Variants in CEP85L observed in about 807,000 individuals in gnomAD.
The protein encoded by CEP85L is centrosomal protein of 85 kDa-like.
Under a neutral mutation model 100.3 loss-of-function variants are expected in CEP85L, and 60 were observed. The observed-to-expected ratio is 0.60, with a 90% confidence interval of 0.49 to 0.74. CEP85L has a LOEUF of 0.74. Ranked by LOEUF, CEP85L falls within the 30% of genes least tolerant of loss-of-function variation. The probability of loss-of-function intolerance (pLI) is 0.00; values close to 1 mark genes in which losing one functional copy is unlikely to be tolerated. For missense variants in CEP85L, 973 were observed against 936.2 expected, an observed-to-expected ratio of 1.04 and a Z score of -0.51; for synonymous variants, 319 against 322.7, an observed-to-expected ratio of 0.99 and a Z score of 0.12.
intron 5 of CEP85L, among the ~76,000 whole-genome samples, chr6:118,507,458 C>T (rs572597216): frequency 2.6e-5 from 4 of 152,262 alleles, no homozygotes; most frequent in African/African-American, 9.6e-5. Flanking sequence ...ATCAGAGTAA[C>T]CAAACTAGGA....
At chr6:118,608,420 G>C (rs566715805) in intron 2 of CEP85L, among the ~76,000 whole-genome samples, 1 of 151,982 alleles carries the variant, frequency 6.6e-6, no homozygotes, top group African/African-American at 2.4e-5. Context: ...GCATGAACCC[G>C]GGAGGCAGAG....
intron 1 of CEP85L, among the ~76,000 whole-genome samples, chr6:118,682,965 G>A (rs534217556): frequency 3.2e-4 from 49 of 152,190 alleles, no homozygotes; most frequent in Admixed American, 1.4e-3. Flanking sequence ...GAGGACAAAG[G>A]CACCAGAACA....
At chr6:118,584,494 G>A (rs1445480341) in intron 2 of CEP85L, among the ~76,000 whole-genome samples, 1 of 152,172 alleles carries the variant, frequency 6.6e-6, no homozygotes, top group Non-Finnish European at 1.5e-5. Context: ...TTTAACCTGG[G>A]AATCTGAAGC....
At chr6:118,584,296 G>A (rs1780737004) in intron 2 of CEP85L, among the ~76,000 whole-genome samples, 1 of 152,176 alleles carries the variant, frequency 6.6e-6, no homozygotes. Context: ...GCTGTCTGAG[G>A]GGACCAGAGC....
chr6:118,622,152 C>T (rs150059755), intron 2 of CEP85L, among the ~76,000 whole-genome samples: 174 of 152,240 alleles, frequency 1.1e-3, no homozygotes, highest in Non-Finnish European at 2.1e-3. Flanking sequence ...GTTGCAGCAG[C>T]GGCCATCTTA....
At chr6:118,635,166 T>G (rs575362944) in intron 1 of CEP85L, among the ~76,000 whole-genome samples, 1 of 152,282 alleles carries the variant, frequency 6.6e-6, no homozygotes, top group East Asian at 1.9e-4. Context: ...CAATTACAAA[T>G]AAATATGAGT....
intron 10 of CEP85L, among the ~76,000 whole-genome samples, chr6:118,475,122 T>C (rs967286616): frequency 3.3e-5 from 5 of 152,158 alleles, no homozygotes; most frequent in African/African-American, 1.2e-4. Context: ...TACATTTGTA[T>C]GAAATGTTTA....
intron 3 of CEP85L, among the ~76,000 whole-genome samples, chr6:118,529,235 T>G (rs1345014417): frequency 1.3e-5 from 2 of 152,208 alleles, no homozygotes; most frequent in African/African-American, 4.8e-5. Flanking sequence ...CTGCCTTTAT[T>G]TATAAGACAA....
intron 2 of CEP85L, among the ~76,000 whole-genome samples, chr6:118,615,068 A>G (rs1466811090): frequency 6.6e-6 from 1 of 152,238 alleles, no homozygotes; most frequent in African/African-American, 2.4e-5. Flanking sequence ...GAAAATATTA[A>G]AAACTATACA....
chr6:118,564,376 A>C (rs1333057669), intron 3 of CEP85L, among the ~76,000 whole-genome samples: 1 of 152,242 alleles, frequency 6.6e-6, no homozygotes, highest in Admixed American at 6.5e-5. Flanking sequence ...TGAAAACTAA[A>C]ACTTGACAGT....
chr6:118,608,373 A>T lies in CEP85L; in HGVS notation c.232+24080T>A, dbSNP rs143683280. The stretch of plus-strand genomic sequence containing the variant: ...AGCCAGGCGTGGTGGCGTACGCCTG[A>T]AGTCCCAGCTACTCGGGAGGCTGAG... On this transcript the variant is annotated intron_variant, in intron 2 of 12. Coordinates refer to ENST00000368491, the MANE Select transcript of CEP85L (RefSeq NM_001042475.3). 3.8e-3 allele frequency among the ~76,000 whole-genome samples: 581 copies of T among 152,088 alleles called. 3 individuals are homozygous for T. Among genetic ancestry groups the T allele is most frequent in the African/African-American group, 0.013 (555 of 41,474 alleles).
At chr6:118,594,282 T>A (rs1781348016) in intron 2 of CEP85L, among the ~76,000 whole-genome samples, 1 of 152,212 alleles carries the variant, frequency 6.6e-6, no homozygotes. Context: ...AATGATAACT[T>A]GTTTCTTCCT....
chr6:118,568,274 C>G (rs578167254), intron 2 of CEP85L, among the ~76,000 whole-genome samples: 1 of 152,330 alleles, frequency 6.6e-6, no homozygotes, highest in Admixed American at 6.5e-5. Context: ...TGATTTGAGG[C>G]ATATTACTTG....
At chr6:118,696,322 C>A (rs1317340556) in intron 1 of CEP85L, among the ~76,000 whole-genome samples, 1 of 151,906 alleles carries the variant, frequency 6.6e-6, no homozygotes, top group Non-Finnish European at 1.5e-5. Flanking sequence ...GAAAATAAAT[C>A]CAAATCCAGA....
At chr6:118,517,845 CCATT>C (rs1177554376) in intron 4 of CEP85L, among the ~76,000 whole-genome samples, 6 of 152,130 alleles carry the variant, frequency 3.9e-5, no homozygotes, top group East Asian at 1.9e-4. Context: ...CAGATTTTGC[CCATT>C]CATTATGATA....
chr6:118,549,485 TTAAAA>T (rs1230339075), intron 3 of CEP85L, among the ~76,000 whole-genome samples: 1 of 151,818 alleles, frequency 6.6e-6, no homozygotes, highest in Non-Finnish European at 1.5e-5. Flanking sequence ...CATATATATG[TTAAAA>T]TAAAATTTAT....
chr6:118,613,948 A>G (rs996860684), intron 2 of CEP85L, among the ~76,000 whole-genome samples: 2 of 152,192 alleles, frequency 1.3e-5, no homozygotes, highest in African/African-American at 4.8e-5. Context: ...ACTACAGGAC[A>G]ATATTCCTTA....
chr6:118,627,932 T>G (rs1268241467), intron 2 of CEP85L, among the ~76,000 whole-genome samples: 1 of 151,838 alleles, frequency 6.6e-6, no homozygotes, highest in African/African-American at 2.4e-5. Context: ...CAACTAAAGC[T>G]CCCTGTAGCC....
intron 1 of CEP85L, among the ~76,000 whole-genome samples, chr6:118,668,517 G>T (rs1776200735): frequency 6.6e-6 from 1 of 152,184 alleles, no homozygotes; most frequent in Admixed American, 6.5e-5. Flanking sequence ...AGGCTGAGGT[G>T]GGAGGATCAC....
Sources: allele counts gnomAD v4.1 joint callset (sites outside exome capture counted in the v4.1 genomes callset), GRCh38; gene constraint gnomAD v4.1.1; transcripts MANE v1.5; gene names NCBI Gene and HGNC (gene_info 2026-07-23, HGNC 2026-07-21).